The following ITPR3 variants were observed in gnomAD, a reference collection of about 807,000 sequenced individuals.
The protein encoded by ITPR3 is inositol 1,4,5-trisphosphate-gated calcium channel ITPR3.
A neutral mutation model predicts 293.2 loss-of-function variants in ITPR3; 173 were observed. The observed-to-expected ratio is 0.59, with a 90% CI of 0.52 to 0.67. ITPR3 has a LOEUF of 0.67. Among genes scored for constraint, ITPR3 ranks in the 30% least tolerant of loss-of-function variants. The pLI, the probability that ITPR3 is intolerant of heterozygous loss-of-function variation, is 0.00. For synonymous variants in ITPR3, 1,295 were observed against 1,444.4 expected (o/e 0.90, Z 2.35); for missense variants, 2,796 against 3,592.1 (o/e 0.78, Z 5.66).
In ITPR3 at chr6:33,680,489, C is replaced by A. The variant is rs569739791; in HGVS notation, c.4350+35C>A. The A allele has an allele frequency of 9.9e-6, 16 of 1,611,442 alleles. No homozygotes were observed. In the South Asian group the frequency reaches 1.8e-4, roughly 18 times the overall value. Reference sequence around the variant, plus strand: ...TGTGAGGGGTGTGGGTGAAGCCCCCCAGGAGGTGTGGGAGTGGAGGGGCCC... The same window carrying A: ...TGTGAGGGGTGTGGGTGAAGCCCCCAAGGAGGTGTGGGAGTGGAGGGGCCC... On this transcript the variant is annotated intron_variant, in intron 32 of 57. Coordinates refer to ENST00000605930, the MANE Select transcript of ITPR3 (RefSeq NM_002224.4).
chr6:33,645,929 C>A (rs1168061571), intron 2 of ITPR3, among the ~76,000 whole-genome samples: 4 of 152,110 alleles, frequency 2.6e-5, no homozygotes, highest in African/African-American at 9.7e-5. Flanking sequence ...CCTCTGCCTC[C>A]TGGATTCAAG....
chr6:33,672,213 C>T lies in ITPR3; in HGVS notation c.2913C>T (p.Ile971=), dbSNP rs775176857. 1 of 1,613,844 alleles carries T rather than the reference C, an allele frequency of 6.2e-7. No homozygotes were observed. The highest frequency in any genetic ancestry group is 8.5e-7 in the Non-Finnish European group (1 of 1,179,968). The change falls in exon 22 of 58, where the codon ATC becomes ATT. Residue 971 remains isoleucine, a synonymous_variant. Coordinates refer to ENST00000605930, the MANE Select transcript of ITPR3 (RefSeq NM_002224.4). The surrounding 1 kb of genome is among the most constrained non-coding windows in gnomAD (Gnocchi z 5.0). ...DIVVMETKLK[I]LEILQFILNV... Reference sequence around the variant, plus strand: ...TGGTGATGGAGACCAAGCTGAAGATCCTGGAAATCCTTCAGGTGCCTGGGC... The same window carrying T: ...TGGTGATGGAGACCAAGCTGAAGATTCTGGAAATCCTTCAGGTGCCTGGGC...
rs187047570 is a variant in ITPR3 at position 33,678,337 on chromosome 6, A to G, written c.3649-84A>G. Reference sequence around the variant, plus strand: ...ACGGTCCCAGTCCCAAGCCCGACCCACCCCTGCTCCTGTCAGAGCTCAGCC... The same window carrying G: ...ACGGTCCCAGTCCCAAGCCCGACCCGCCCCTGCTCCTGTCAGAGCTCAGCC... On this transcript the variant is annotated intron_variant, in intron 28 of 57. Coordinates refer to ENST00000605930, the MANE Select transcript of ITPR3 (RefSeq NM_002224.4). 6.4e-6 allele frequency: 10 copies of G among 1,559,538 alleles called. No individual in the cohort carries two copies. In the East Asian group the frequency reaches 2.3e-4, roughly 35 times the overall value.
Position 33,670,491 on chromosome 6 carries a change from G to A in ITPR3, c.2356G>A (p.Val786Met), listed in dbSNP as rs577602247. 5.6e-6 allele frequency: 9 copies of A among 1,613,954 alleles called. No homozygotes were observed. Among genetic ancestry groups the A allele is most frequent in the South Asian group, 1.1e-5 (1 of 91,084 alleles). ...CTGCCACCTGATGCTGCACGTGCAC[G>A]TGGACCGTGACCCCCAGGAGCTGGT... ...SFCHLMLHVH[V>M]DRDPQELVTP... Residue 786 changes from valine to methionine, a missense_variant, in exon 19 of 58, where the codon GTG becomes ATG. This residue lies in a region of ITPR3 where 955 missense variants were observed against 1,180.8 expected (regional missense o/e 0.81). Transcript: ENST00000605930. This position sits in a 1 kb window ranked among gnomAD's most constrained non-coding sequence, Gnocchi z 6.7.
rs1763720594 is a variant in ITPR3, at chr6:33,633,071, C to T, written c.90-7413C>T. ...AAAAACGATTGATAAACTATAGAGT[C>T]GCGCGATGGAGGGGCAGTTTTTTTG... On this transcript the variant is annotated intron_variant, in intron 1 of 57. Transcript: ENST00000605930. This position sits in a 1 kb window ranked among gnomAD's most constrained non-coding sequence, Gnocchi z 5.2. Among the ~76,000 whole-genome samples the T allele has an allele frequency of 6.6e-6, 1 of 152,182 alleles. No individual in the cohort carries two copies.
Position 33,679,452 on chromosome 6 carries a change from G to A in ITPR3, c.3973-430G>A, listed in dbSNP as rs1765007915. Among the ~76,000 whole-genome samples, 1 of 152,210 alleles carries A rather than the reference G, an allele frequency of 6.6e-6. No homozygotes were observed. Among genetic ancestry groups the A allele is most frequent in the Non-Finnish European group, 1.5e-5 (1 of 68,040 alleles). On this transcript the variant is annotated intron_variant, in intron 30 of 57. Coordinates refer to ENST00000605930, the MANE Select transcript of ITPR3 (RefSeq NM_002224.4). This position sits in a 1 kb window ranked among gnomAD's most constrained non-coding sequence, Gnocchi z 4.2. ...AAACAAGACATGATGTGCTGGAACT[G>A]CTGTACAGTGTTAGTTTTATTAATT...
chr6:33,690,224 C>A (rs1186453436), intron 51 of ITPR3, 26 bp downstream of exon 51: 3 of 1,476,228 alleles, frequency 2.0e-6, no homozygotes, highest in Non-Finnish European at 2.8e-6. Context: ...TGGGCTGGGG[C>A]TGGATGGGGG....
chr6:33,653,263 A>G (rs1193616298), intron 2 of ITPR3, among the ~76,000 whole-genome samples: 4 of 147,822 alleles, frequency 2.7e-5, no homozygotes, highest in Non-Finnish European at 5.9e-5. Flanking sequence ...CTGCCTGTTG[A>G]TAATTTTTTA....
intron 1 of ITPR3, among the ~76,000 whole-genome samples, chr6:33,631,859 A>G (rs1320211301): frequency 1.3e-5 from 2 of 152,188 alleles, no homozygotes; most frequent in Non-Finnish European, 2.9e-5. Flanking sequence ...CTTGCCTTCC[A>G]GGTCACTTCT....
intron 39 of ITPR3, 26 bp from the exon 40 acceptor site, chr6:33,685,333 G>C (rs558870825): frequency 6.3e-7 from 1 of 1,596,016 alleles, no homozygotes; most frequent in African/African-American, 1.3e-5. Context: ...TGCTGAGGTT[G>C]TTCCCTGGCC....
chr6:33,686,833 G>C (rs528546805), intron 43 of ITPR3, among the ~76,000 whole-genome samples, 176 bp from the exon 44 acceptor site: 22 of 152,296 alleles, frequency 1.4e-4, no homozygotes, highest in African/African-American at 5.1e-4. Context: ...CAAGCCTATG[G>C]GTGGGCTGGC....
intron 31 of ITPR3, 76 bp downstream of exon 31, chr6:33,680,209 G>A: frequency 6.3e-7 from 1 of 1,582,916 alleles, no homozygotes; most frequent in Non-Finnish European, 8.6e-7. Flanking sequence ...CAGGAAGAGT[G>A]GGTGAAGCAA....
rs1763754955 is a variant in ITPR3, at chr6:33,633,952, G to T, written c.90-6532G>T. Among the ~76,000 whole-genome samples the T allele has an allele frequency of 6.6e-6, 1 of 151,940 alleles. No homozygotes were observed. Among genetic ancestry groups the T allele is most frequent in the Admixed American group, 6.5e-5 (1 of 15,272 alleles). On this transcript the variant is annotated intron_variant, in intron 1 of 57. Coordinates refer to ENST00000605930, the MANE Select transcript of ITPR3 (RefSeq NM_002224.4). This position sits in a 1 kb window ranked among gnomAD's most constrained non-coding sequence, Gnocchi z 5.2. The stretch of plus-strand genomic sequence containing the variant: ...GCAGCGATGGGGAGGTCGCGGCCTC[G>T]CCCGGTGAGGCTCCCTCTCCATGCA...
chr6:33,683,483 G>GAAGAAACACTCCCC lies in ITPR3; in HGVS notation c.4788+86_4788+87insAAGAAACACTCCCC. 1 of 1,178,252 alleles carries GAAGAAACACTCCCC rather than the reference G, an allele frequency of 8.5e-7. No individual in the cohort carries two copies. Among genetic ancestry groups the GAAGAAACACTCCCC allele is most frequent in the Non-Finnish European group, 1.2e-6 (1 of 858,770 alleles). 73.0% of individuals were successfully genotyped at this position (1,178,252 alleles called of 1,614,324 possible). ...CTACTTTGGAGGGGCAAGTTCTCGG[G>GAAGAAACACTCCCC]GAGTGTTTCTTCCTGTCCTGCCCAC... On this transcript the variant is annotated intron_variant, in intron 35 of 57. Coordinates refer to ENST00000605930, the MANE Select transcript of ITPR3 (RefSeq NM_002224.4). This position sits in a 1 kb window ranked among gnomAD's most constrained non-coding sequence, Gnocchi z 4.5.
intron 55 of ITPR3, among the ~76,000 whole-genome samples, chr6:33,693,304 G>T (rs915182330): frequency 6.6e-6 from 1 of 152,160 alleles, no homozygotes; most frequent in Non-Finnish European, 1.5e-5. Flanking sequence ...AAATTCTCGC[G>T]TTTACTCCTG....
intron 49 of ITPR3, 74 bp downstream of exon 49, chr6:33,688,855 G>A: frequency 6.3e-7 from 1 of 1,599,558 alleles, no homozygotes. Context: ...GCAGAGCCTT[G>A]AGGCCAGCTG....
chr6:33,691,025 T>G lies in ITPR3; in HGVS notation c.7141T>G (p.Tyr2381Asp). 1 of 1,614,228 alleles carries G rather than the reference T, an allele frequency of 6.2e-7. No homozygotes were observed. The highest frequency in any genetic ancestry group is 8.5e-7 in the Non-Finnish European group (1 of 1,180,038). The change falls in exon 52 of 58, where the codon TAC becomes GAC. Residue 2381 changes from tyrosine to aspartate, a missense_variant. By Grantham distance (160) the Tyr-to-Asp change is radical. Coordinates refer to ENST00000605930, the MANE Select transcript of ITPR3 (RefSeq NM_002224.4). The surrounding 1 kb of genome is among the most constrained non-coding windows in gnomAD (Gnocchi z 4.9). The stretch of plus-strand genomic sequence containing the variant: ...AGCCCTGCTGGCCCTCATCCTGGTC[T>G]ACCTCTTCTCCATCGTCGGCTTCCT... ...LTALLALILV[Y>D]LFSIVGFLFL...
rs200708715 is a variant in ITPR3 at position 33,684,789 on chromosome 6, G to A, written c.5153G>A (p.Trp1718Ter). 2 of 1,612,260 alleles carry A rather than the reference G, an allele frequency of 1.2e-6. No homozygotes were observed. Among genetic ancestry groups the A allele is most frequent in the South Asian group, 2.2e-5 (2 of 90,846 alleles). Reference sequence around the variant, plus strand: ...CCGCCTCCAGGCCTGGACCCAGACTGGTCGGCAATCGCAGCCACCCAGTGC... The same window carrying A: ...CCGCCTCCAGGCCTGGACCCAGACTAGTCGGCAATCGCAGCCACCCAGTGC... ...DPIGTGLDPDWSAIAATQCRL... is the reference protein window; with the variant it reads ...DPIGTGLDPD Residue 1718 changes from tryptophan to a stop codon, truncating the protein, a stop_gained, in exon 39 of 58, where the codon TGG becomes TAG. Coordinates refer to ENST00000605930, the MANE Select transcript of ITPR3 (RefSeq NM_002224.4). LOFTEE classifies it high-confidence loss of function. This position sits in a 1 kb window ranked among gnomAD's most constrained non-coding sequence, Gnocchi z 4.2.
At chr6:33,663,981 G>C (rs547340097) in intron 11 of ITPR3, 101 bp downstream of exon 11, 2 of 1,444,050 alleles carry the variant, frequency 1.4e-6, no homozygotes, top group African/African-American at 1.4e-5. Flanking sequence ...GCCCTCCTGC[G>C]GTCCTTTAGC....
Sources: allele counts gnomAD v4.1 joint callset (sites outside exome capture counted in the v4.1 genomes callset), GRCh38; gene constraint gnomAD v4.1.1; regional missense constraint gnomAD v4.1.1; non-coding constraint Gnocchi (gnomAD v3.1); transcripts MANE v1.5; gene names NCBI Gene and HGNC (gene_info 2026-07-23, HGNC 2026-07-21).